SPEF2: variants seen among roughly 807,000 people sequenced by gnomAD.
SPEF2 encodes sperm flagella and cilia-associated protein 2.
In SPEF2, 187 loss-of-function variants were observed where a neutral mutation model predicts 224.6. The observed-to-expected ratio is 0.83, with a 90% confidence interval of 0.74 to 0.94. SPEF2 has a LOEUF of 0.94. Ranked by LOEUF, SPEF2 falls within the 40% of genes least tolerant of loss-of-function variation. The pLI is 0.00. For missense variants in SPEF2, 2,170 were observed against 2,135.6 expected, an observed-to-expected ratio of 1.02 and a Z score of -0.32; for synonymous variants, 715 against 707.3, an observed-to-expected ratio of 1.01 and a Z score of -0.17.
chr5:35,637,122 G>T (rs1053628458), intron 2 of SPEF2, among the ~76,000 whole-genome samples: 1 of 152,044 alleles, frequency 6.6e-6, no homozygotes, highest in African/African-American at 2.4e-5. Flanking sequence ...GTCTGCTGCC[G>T]GTTTTCATAG....
chr5:35,656,748 A>G (rs1045890749), intron 7 of SPEF2, among the ~76,000 whole-genome samples: 3 of 152,196 alleles, frequency 2.0e-5, no homozygotes, highest in Admixed American at 6.5e-5. Context: ...AGTTGGAGGT[A>G]TATTTACCAG....
chr5:35,675,924 C>T (rs1751940069), intron 10 of SPEF2: 1 of 456,050 alleles, frequency 2.2e-6, no homozygotes, highest in Non-Finnish European at 4.4e-6. Flanking sequence ...TATGGAATAG[C>T]AGGAATAGAA....
Position 35,646,786 on chromosome 5 carries a change from G to T in SPEF2, c.705G>T (p.Met235Ile). The T allele has an allele frequency of 6.2e-7, 1 of 1,612,868 alleles. No individual in the cohort carries two copies. Among genetic ancestry groups the T allele is most frequent in the Non-Finnish European group, 8.5e-7 (1 of 1,179,522 alleles). Reference sequence around the variant, plus strand: ...AAGCACTCGAGGCCCAAAAAATGATGAAAAAGAAAAAAGAGGCAGAAGTAA... The same window carrying T: ...AAGCACTCGAGGCCCAAAAAATGATTAAAAAGAAAAAAGAGGCAGAAGTAA... Reference protein sequence around the residue: ...TLKALEAQKMMKKKKEAEDVA... With the variant: ...TLKALEAQKMIKKKKEAEDVA... The change falls in exon 5 of 37, where the codon ATG becomes ATT. Residue 235 changes from methionine to isoleucine, a missense_variant. Coordinates refer to ENST00000356031, the MANE Select transcript of SPEF2 (RefSeq NM_024867.4).
chr5:35,719,536 C>T (rs573051761), intron 20 of SPEF2, among the ~76,000 whole-genome samples: 1 of 152,248 alleles, frequency 6.6e-6, no homozygotes, highest in East Asian at 1.9e-4. Context: ...GGGTTTGTAT[C>T]CTCAAATACC....
chr5:35,795,651 C>A, intron 32 of SPEF2, 52 bp from the exon 33 acceptor site: 5 of 1,528,298 alleles, frequency 3.3e-6, no homozygotes, highest in Non-Finnish European at 3.6e-6. Flanking sequence ...TTTAGAGGAA[C>A]ATCTCAGCAA....
intron 20 of SPEF2, among the ~76,000 whole-genome samples, chr5:35,714,613 G>A (rs1311678273): frequency 6.6e-6 from 1 of 151,258 alleles, no homozygotes; most frequent in Non-Finnish European, 1.5e-5. Context: ...CATGGCCTCA[G>A]TTCTGAAATG....
intron 10 of SPEF2, chr5:35,671,612 T>G (rs1029103989): frequency 1.3e-6 from 1 of 747,944 alleles, no homozygotes; most frequent in African/African-American, 1.9e-5. Context: ...TCTAAATTAC[T>G]TGCTAAACAG....
chr5:35,790,863 AC>A (rs1207970301), intron 30 of SPEF2: 2 of 152,286 alleles, frequency 1.3e-5, no homozygotes, highest in African/African-American at 2.4e-5. Flanking sequence ...CAACCATATC[AC>A]TACATGCTTT....
intron 20 of SPEF2, among the ~76,000 whole-genome samples, chr5:35,720,174 T>C (rs1464735535): frequency 1.3e-5 from 2 of 152,236 alleles, no homozygotes; most frequent in East Asian, 3.8e-4. Context: ...TTCTAAATTC[T>C]GGAGGAACCA....
At chr5:35,771,784 C>T (rs1752890952) in intron 27 of SPEF2, 28 bp downstream of exon 27, 1 of 1,571,606 alleles carries the variant, frequency 6.4e-7, no homozygotes, top group African/African-American at 1.4e-5. Flanking sequence ...ACTCAGAACC[C>T]TGGATGCCTA....
intron 10 of SPEF2, chr5:35,670,534 G>T (rs934747172): frequency 8.3e-5 from 85 of 1,021,076 alleles, no homozygotes; most frequent in Non-Finnish European, 9.7e-5. Context: ...ATTTTTCTTT[G>T]TATGGGCTGT....
At chr5:35,636,381 G>A (rs767317246) in intron 2 of SPEF2, among the ~76,000 whole-genome samples, 5 of 152,144 alleles carry the variant, frequency 3.3e-5, no homozygotes, top group Admixed American at 1.3e-4. Context: ...AGCCAAAGGT[G>A]AGAGATTTGG....
chr5:35,808,608 C>T (rs1044530816), intron 36 of SPEF2, among the ~76,000 whole-genome samples: 2 of 151,862 alleles, frequency 1.3e-5, no homozygotes, highest in African/African-American at 2.4e-5. Flanking sequence ...CATAGTATTC[C>T]GTGGTGTATA....
chr5:35,680,719 T>C (rs1183215531), intron 10 of SPEF2, among the ~76,000 whole-genome samples: 3 of 152,164 alleles, frequency 2.0e-5, no homozygotes, highest in Non-Finnish European at 4.4e-5. Flanking sequence ...TTGTGAAGTA[T>C]GAGTAGACAT....
At chr5:35,790,120 C>T in intron 30 of SPEF2, 2 of 702,950 alleles carry the variant, frequency 2.8e-6, no homozygotes, top group Non-Finnish European at 2.6e-6. Context: ...CTAGTGTTGA[C>T]CCTTCCTGCA....
intron 20 of SPEF2, among the ~76,000 whole-genome samples, chr5:35,720,983 G>A (rs1743558460): frequency 1.3e-5 from 2 of 152,130 alleles, no homozygotes; most frequent in South Asian, 4.1e-4. Context: ...CCAAAATGAT[G>A]ACTCAGAAAT....
intron 2 of SPEF2, among the ~76,000 whole-genome samples, chr5:35,629,209 A>G (rs1446664652): frequency 8.1e-6 from 1 of 124,100 alleles, no homozygotes; most frequent in African/African-American, 3.3e-5. Context: ...GTTGGAGTGC[A>G]GTGGTGTGAT....
At chr5:35,622,955 A>G (rs1361655266) in intron 1 of SPEF2, among the ~76,000 whole-genome samples, 3 of 152,230 alleles carry the variant, frequency 2.0e-5, no homozygotes, top group Non-Finnish European at 4.4e-5. Context: ...TAAAATTGTG[A>G]AGACTGACAA....
chr5:35,797,261 G>A lies in SPEF2; in HGVS notation c.4830+1466G>A, dbSNP rs186709911. Reference sequence around the variant, plus strand: ...GGAAAGGAACAAAGTCAGCAGCAGAGGCAGGACTGTGGAGACTGAGCAAAA... The same window carrying A: ...GGAAAGGAACAAAGTCAGCAGCAGAAGCAGGACTGTGGAGACTGAGCAAAA... On this transcript the variant is annotated intron_variant, in intron 33 of 36. Transcript: ENST00000356031. Among the ~76,000 whole-genome samples, 32 of 151,872 alleles carry A rather than the reference G, an allele frequency of 2.1e-4. No homozygotes were observed. In the East Asian group the frequency reaches 6.0e-3, roughly 29 times the overall value.
Sources: allele counts gnomAD v4.1 joint callset (sites outside exome capture counted in the v4.1 genomes callset), GRCh38; gene constraint gnomAD v4.1.1; transcripts MANE v1.5; gene names NCBI Gene and HGNC (gene_info 2026-07-23, HGNC 2026-07-21).